Variants in ACO1 observed in about 807,000 individuals in gnomAD.
ACO1 encodes the protein cytoplasmic aconitate hydratase.
In ACO1, 78 loss-of-function variants were observed where a neutral mutation model predicts 105.1. The ratio of observed to expected loss-of-function variants is 0.74; its 90% confidence interval spans 0.62 to 0.90. The LOEUF (loss-of-function observed/expected upper bound fraction) is 0.90, where lower values mean the gene tolerates loss of function less well. Among genes scored for constraint, ACO1 ranks in the 40% least tolerant of loss-of-function variants. The pLI, the probability that ACO1 is intolerant of heterozygous loss-of-function variation, is 0.00. For missense variants in ACO1, 965 were observed against 1,111.1 expected, an observed-to-expected ratio of 0.87 and a Z score of 1.87; for synonymous variants, 364 against 397.4, an observed-to-expected ratio of 0.92 and a Z score of 1.00.
In ACO1 at chr9:32,395,922, G is replaced by A. The variant is rs565926714; in HGVS notation, c.-22-9563G>A. Among the ~76,000 whole-genome samples, 70 of 152,338 alleles carry A rather than the reference G, an allele frequency of 4.6e-4. No homozygotes were observed. In the South Asian group the frequency reaches 0.014, roughly 31 times the overall value. On this transcript the variant is annotated intron_variant, in intron 1 of 20. Coordinates refer to ENST00000309951, the MANE Select transcript of ACO1 (RefSeq NM_002197.3). ...TGTTAAGTCTTTCTCTTTGAGACTTGCATGTGATGTTCTGCCCCCTCTTGG... is the reference window on the plus strand; with the variant it reads ...TGTTAAGTCTTTCTCTTTGAGACTTACATGTGATGTTCTGCCCCCTCTTGG...
rs1319810484 is a variant in ACO1, at chr9:32,408,502, T to C, written c.267-12T>C. Reference sequence around the variant, plus strand: ...AGGCTTATTTTCTGCATTATTCTCTTTCTTCTCTTAGGGGTGTGCCCGCTG... The same window carrying C: ...AGGCTTATTTTCTGCATTATTCTCTCTCTTCTCTTAGGGGTGTGCCCGCTG... On this transcript the variant is annotated splice_polypyrimidine_tract_variant and intron_variant, in intron 3 of 20. Coordinates refer to ENST00000309951, the MANE Select transcript of ACO1 (RefSeq NM_002197.3). The C allele has an allele frequency of 6.2e-7, 1 of 1,613,070 alleles. No individual in the cohort carries two copies. Among genetic ancestry groups the C allele is most frequent in the Non-Finnish European group, 8.5e-7 (1 of 1,179,708 alleles).
chr9:32,391,647 G>T (rs891656588), intron 1 of ACO1, among the ~76,000 whole-genome samples: 1 of 152,226 alleles, frequency 6.6e-6, no homozygotes, highest in Admixed American at 6.5e-5. Context: ...AAACAGACAT[G>T]TATGGAACAC....
chr9:32,426,108 T>A, intron 11 of ACO1, 111 bp downstream of exon 11: 1 of 1,085,972 alleles, frequency 9.2e-7, no homozygotes, highest in Non-Finnish European at 1.3e-6. Context: ...CTGAACCTCG[T>A]CTTTTCCAGA....
At chr9:32,431,977 G>A (rs1346113381) in intron 15 of ACO1, 134 bp downstream of exon 15, 1 of 1,060,444 alleles carries the variant, frequency 9.4e-7, no homozygotes. Context: ...CAGATGACTG[G>A]GGAGGTGGTT....
chr9:32,424,361 C>G (rs1052775775), intron 9 of ACO1, among the ~76,000 whole-genome samples, 188 bp from the exon 10 acceptor site: 22 of 152,166 alleles, frequency 1.4e-4, no homozygotes, highest in Admixed American at 1.4e-3. Context: ...CCATGATGAT[C>G]TTGGGAAATT....
At chr9:32,426,510 AGTTTTT>A (rs1335004931) in intron 11 of ACO1, among the ~76,000 whole-genome samples, 2 of 152,126 alleles carry the variant, frequency 1.3e-5, no homozygotes, top group Non-Finnish European at 2.9e-5. Context: ...TTAGTTTCCA[AGTTTTT>A]AGTCATCCCC....
At chr9:32,426,793 A>G (rs1822110132) in intron 11 of ACO1, among the ~76,000 whole-genome samples, 1 of 152,192 alleles carries the variant, frequency 6.6e-6, no homozygotes, top group Non-Finnish European at 1.5e-5. Flanking sequence ...GTGTTCCAGT[A>G]GCAGTCTCTG....
At chr9:32,403,741 G>C (rs1457691114) in intron 1 of ACO1, among the ~76,000 whole-genome samples, 2 of 152,126 alleles carry the variant, frequency 1.3e-5, no homozygotes, top group Non-Finnish European at 2.9e-5. Context: ...GACACTTAAG[G>C]CCATTGAAAG....
intron 1 of ACO1, among the ~76,000 whole-genome samples, chr9:32,391,824 T>G (rs183683796): frequency 6.6e-6 from 1 of 152,320 alleles, no homozygotes; most frequent in East Asian, 1.9e-4. Context: ...ATAAGATAAA[T>G]AAGCCATTGC....
At chr9:32,405,732 C>A in intron 2 of ACO1, 129 bp downstream of exon 2, 1 of 643,686 alleles carries the variant, frequency 1.6e-6, no homozygotes, top group Non-Finnish European at 2.7e-6. Context: ...GGATTAAGTG[C>A]ACAAGCACTC....
chr9:32,420,859 C>T lies in ACO1; in HGVS notation c.802C>T (p.Leu268Phe). ...TDIVLTITKH[L>F]RQVGVVGKFV... ...TTCTGTTGTTTCTGCTGCTTAGCAC[C>T]TCCGCCAGGTTGGGGTAGTGGGCAA... Residue 268 changes from leucine (L) to phenylalanine (F), a missense_variant, in exon 8 of 21, where the codon CTC becomes TTC. Leu to Phe is a conservative substitution (Grantham distance 22). Coordinates refer to ENST00000309951, the MANE Select transcript of ACO1 (RefSeq NM_002197.3). The T allele has an allele frequency of 4.3e-6, 7 of 1,613,302 alleles. No homozygotes were observed. Among genetic ancestry groups the T allele is most frequent in the Non-Finnish European group, 5.9e-6 (7 of 1,179,450 alleles).
At chr9:32,414,557 A>G (rs190054461) in intron 4 of ACO1, among the ~76,000 whole-genome samples, 3 of 152,306 alleles carry the variant, frequency 2.0e-5, no homozygotes, top group Non-Finnish European at 2.9e-5. Flanking sequence ...TGCACGTCCT[A>G]TGAACATGTC....
intron 2 of ACO1, 36 bp downstream of exon 2, chr9:32,405,639 T>C (rs781182402): frequency 7.0e-7 from 1 of 1,430,600 alleles, no homozygotes; most frequent in Non-Finnish European, 9.8e-7. Flanking sequence ...TGGAATCTCA[T>C]TTGCACAATG....
chr9:32,418,628 A>G (rs1173682014), intron 6 of ACO1, 117 bp downstream of exon 6: 1 of 1,215,352 alleles, frequency 8.2e-7, no homozygotes, highest in Non-Finnish European at 1.2e-6. Context: ...TATGTTTGTC[A>G]GTTTTGTCAC....
At chr9:32,414,776 C>G (rs1464185420) in intron 4 of ACO1, among the ~76,000 whole-genome samples, 2 of 152,084 alleles carry the variant, frequency 1.3e-5, no homozygotes, top group South Asian at 4.1e-4. Context: ...TATAATCTTA[C>G]CTGTAGTGGT....
chr9:32,430,359 G>T (rs1216560661), intron 13 of ACO1, 59 bp from the exon 14 acceptor site: 2 of 1,527,048 alleles, frequency 1.3e-6, no homozygotes, highest in Admixed American at 4.0e-5. Context: ...CCAATGGTCT[G>T]AGACAAGAAG....
chr9:32,395,206 T>C (rs556213313), intron 1 of ACO1, among the ~76,000 whole-genome samples: 43 of 152,294 alleles, frequency 2.8e-4, no homozygotes, highest in Non-Finnish European at 5.1e-4. Flanking sequence ...CTGGGTGTGG[T>C]GGCTCACACC....
chr9:32,423,174 C>T lies in ACO1; in HGVS notation c.971-145C>T, dbSNP rs112626090. 1,494 of 519,192 alleles carry T rather than the reference C, an allele frequency of 2.9e-3. 23 individuals carry two copies. The highest frequency in any genetic ancestry group is 0.028 in the African/African-American group (1,353 of 49,168). 32.2% of individuals were successfully genotyped at this position (519,192 alleles called of 1,614,324 possible). A position where few individuals can be genotyped will look rare whatever the true frequency, so the allele number is the denominator to read the frequency against. ...AGAGTCAAACCATTAGCCTGGAAGC[C>T]TAAAAATTGACAGAGCTGTTGGTGT... On this transcript the variant is annotated intron_variant, in intron 8 of 20. Transcript: ENST00000309951.
At chr9:32,440,674 A>C in intron 19 of ACO1, 87 bp downstream of exon 19, 1 of 1,508,508 alleles carries the variant, frequency 6.6e-7, no homozygotes, top group Non-Finnish European at 8.9e-7. Flanking sequence ...TTACTTTCCA[A>C]GAAGATGTCA....
Sources: gnomAD v4.1 joint callset for allele counts (sites outside exome capture counted in the v4.1 genomes callset) on GRCh38, gnomAD v4.1.1 for gene constraint, MANE v1.5 for transcripts, NCBI Gene and HGNC (gene_info 2026-07-23, HGNC 2026-07-21) for gene names.